The following PRR16 variants were observed in gnomAD, a reference collection of about 807,000 sequenced individuals.
PRR16 encodes protein Largen.
PRR16 carries 6 observed loss-of-function variants against 18.2 expected under a neutral mutation model. That is an observed-to-expected ratio of 0.33 (90% CI 0.18 to 0.65). PRR16 has a LOEUF of 0.65. PRR16 is among the 30% of genes least tolerant of loss of function. The pLI is 0.74. For missense variants in PRR16, 412 were observed against 376.6 expected (o/e 1.09, Z -0.78); for synonymous variants, 151 against 147.8 (o/e 1.02, Z -0.16).
At chr5:120,761,979 C>G in the PRR16 span, among the ~76,000 whole-genome samples, 1 of 152,098 alleles carries the variant, frequency 6.6e-6, no homozygotes, top group Admixed American at 6.6e-5. Flanking sequence ...CAATGTTCAT[C>G]TTACTGTGCT....
At chr5:120,622,514 A>G (rs765143462) in intron 1 of PRR16, among the ~76,000 whole-genome samples, 11 of 151,740 alleles carry the variant, frequency 7.2e-5, no homozygotes, top group East Asian at 3.9e-4. Context: ...GAGTCTTGCT[A>G]TGTCGCCAGG....
intron 1 of PRR16, among the ~76,000 whole-genome samples, chr5:120,529,873 T>C (rs1031118962): frequency 6.6e-5 from 10 of 152,080 alleles, no homozygotes; most frequent in Admixed American, 5.9e-4. Context: ...GTCACTCTTA[T>C]AAGACCAGAA....
intron 1 of PRR16, among the ~76,000 whole-genome samples, chr5:120,677,905 C>CTTTTTTTTTTTTTTTTTTTTT (rs386404833): frequency 2.1e-5 from 2 of 93,216 alleles, no homozygotes; most frequent in Non-Finnish European, 3.8e-5. Flanking sequence ...CTTTTTCTTT[C>CTTTTTTTTTTTTTTTTTTTTT]TTTTTTTTTT....
chr5:120,493,134 A>T (rs1353522205), intron 1 of PRR16, among the ~76,000 whole-genome samples: 1 of 152,184 alleles, frequency 6.6e-6, no homozygotes, highest in African/African-American at 2.4e-5. Flanking sequence ...GAATGTCTAT[A>T]TTATTTTCCA....
At chr5:120,725,481 C>T in the PRR16 span, among the ~76,000 whole-genome samples, 3 of 151,702 alleles carry the variant, frequency 2.0e-5, no homozygotes, top group African/African-American at 7.3e-5. Context: ...CATAGTAAGA[C>T]CTCCATCTCC....
At chr5:120,668,216 C>T (rs1245633205) in intron 1 of PRR16, among the ~76,000 whole-genome samples, 1 of 150,974 alleles carries the variant, frequency 6.6e-6, no homozygotes, top group Non-Finnish European at 1.5e-5. Flanking sequence ...TAATGGCCTT[C>T]TTTGTCTCTT....
chr5:120,676,562 G>A (rs1580869954), intron 1 of PRR16, among the ~76,000 whole-genome samples: 1 of 150,914 alleles, frequency 6.6e-6, no homozygotes, highest in Non-Finnish European at 1.5e-5. Flanking sequence ...GTGTATATAT[G>A]TATGCTTTTT....
chr5:120,471,366 A>G lies in PRR16; in HGVS notation c.159+6721A>G, dbSNP rs537777630. The stretch of plus-strand genomic sequence containing the variant: ...ATTGTATATAATTGTTTCAAAGAAT[A>G]CAAATAATTTGGAATATATTATTCT... On this transcript the variant is annotated intron_variant, in intron 1 of 1. Transcript: ENST00000407149. Among the ~76,000 whole-genome samples, 6 of 152,290 alleles carry G rather than the reference A, an allele frequency of 3.9e-5. No individual in the cohort carries two copies. In the East Asian group the frequency reaches 1.2e-3, roughly 29 times the overall value.
chr5:120,582,597 T>TAAAGAAATATTGTTAAGGACTTTAAAAAC (rs1753309401), intron 1 of PRR16, among the ~76,000 whole-genome samples: 1 of 152,184 alleles, frequency 6.6e-6, no homozygotes, highest in Non-Finnish European at 1.5e-5. Context: ...TACAAATAGA[T>TAAAGAAATATTGTTAAGGACTTTAAAAAC]AAAGAAATAT....
At chr5:120,705,362 A>G in the PRR16 span, among the ~76,000 whole-genome samples, 7 of 152,062 alleles carry the variant, frequency 4.6e-5, no homozygotes, top group African/African-American at 9.7e-5. Flanking sequence ...ATTTTTTTCT[A>G]TATATCATGT....
At chr5:120,541,401 C>T (rs977248330) in intron 1 of PRR16, among the ~76,000 whole-genome samples, 4 of 152,170 alleles carry the variant, frequency 2.6e-5, no homozygotes, top group Non-Finnish European at 1.5e-5. Flanking sequence ...CCACCTCAGC[C>T]TCTCAAAGTG....
intron 1 of PRR16, among the ~76,000 whole-genome samples, chr5:120,545,220 C>T (rs769812763): frequency 2.0e-5 from 3 of 151,952 alleles, no homozygotes; most frequent in Non-Finnish European, 4.4e-5. Context: ...CCATAAGCAT[C>T]CTTGTCTCTT....
intron 1 of PRR16, among the ~76,000 whole-genome samples, chr5:120,666,614 T>G (rs1756386352): frequency 6.6e-6 from 1 of 152,130 alleles, no homozygotes; most frequent in Admixed American, 6.6e-5. Context: ...GTAGCTCTTA[T>G]TATTTTGAGC....
chr5:120,693,897 G>A, the PRR16 span, among the ~76,000 whole-genome samples: 5 of 152,072 alleles, frequency 3.3e-5, no homozygotes, highest in African/African-American at 1.2e-4. Flanking sequence ...ACAAGGTCGT[G>A]GTCCTTGCTA....
intron 1 of PRR16, among the ~76,000 whole-genome samples, chr5:120,474,412 C>T (rs1352218031): frequency 6.6e-6 from 1 of 152,076 alleles, no homozygotes; most frequent in Non-Finnish European, 1.5e-5. Context: ...TGTCCTCTTC[C>T]TACTTTGCAA....
chr5:120,748,974 T>G, the PRR16 span, among the ~76,000 whole-genome samples: 4 of 152,140 alleles, frequency 2.6e-5, no homozygotes, highest in Non-Finnish European at 5.9e-5. Context: ...TTTAAACAAT[T>G]TTACTCCTGC....
intron 1 of PRR16, among the ~76,000 whole-genome samples, chr5:120,575,494 T>C (rs987395044): frequency 2.6e-5 from 4 of 152,136 alleles, no homozygotes; most frequent in Non-Finnish European, 4.4e-5. Context: ...GATGCAAAGT[T>C]TATTCAGCAT....
At chr5:120,642,446 A>AT (rs1561589278) in intron 1 of PRR16, among the ~76,000 whole-genome samples, 1 of 152,052 alleles carries the variant, frequency 6.6e-6, no homozygotes, top group Non-Finnish European at 1.5e-5. Flanking sequence ...ATCTTGCTGG[A>AT]TAACACAAGG....
chr5:120,624,874 C>T (rs1323004351), intron 1 of PRR16, among the ~76,000 whole-genome samples: 1 of 151,960 alleles, frequency 6.6e-6, no homozygotes, highest in East Asian at 1.9e-4. Context: ...TCACTGTTCT[C>T]GTGATAATGA....
Sources: gnomAD v4.1 joint callset for allele counts (sites outside exome capture counted in the v4.1 genomes callset) on GRCh38, gnomAD v4.1.1 for gene constraint, MANE v1.5 for transcripts, NCBI Gene and HGNC (gene_info 2026-07-23, HGNC 2026-07-21) for gene names.